RORA: variants seen among roughly 807,000 people sequenced by gnomAD.
RORA encodes nuclear receptor ROR-alpha.
RORA carries 7 observed loss-of-function variants against 69.5 expected under a neutral mutation model. The ratio of observed to expected loss-of-function variants is 0.10; its 90% CI spans 0.06 to 0.19. The LOEUF is 0.19. Ranked by LOEUF, RORA falls within the 10% of genes least tolerant of loss-of-function variation. The pLI, the probability that RORA is intolerant of heterozygous loss-of-function variation, is 1.00. For synonymous variants in RORA, 261 were observed against 240.8 expected (o/e 1.08, Z -0.78); for missense variants, 457 against 663.0 (o/e 0.69, Z 3.41).
intron 1 of RORA, among the ~76,000 whole-genome samples, chr15:60,781,449 C>A (rs1002194932): frequency 2.0e-5 from 3 of 152,178 alleles, no homozygotes. Flanking sequence ...CTCTGCCTGG[C>A]CTGCTTACCA....
At chr15:60,656,400 AG>A (rs2070222833) in intron 2 of RORA, among the ~76,000 whole-genome samples, 1 of 152,246 alleles carries the variant, frequency 6.6e-6, no homozygotes, top group Admixed American at 6.5e-5. Context: ...TTTACAATTT[AG>A]CAGGGGAGAT....
intron 3 of RORA, chr15:60,530,264 C>G (rs1038143168): frequency 2.0e-5 from 3 of 152,170 alleles, no homozygotes; most frequent in South Asian, 2.1e-4. Flanking sequence ...ACAGACCAGA[C>G]AGATTATTTC....
intron 1 of RORA, among the ~76,000 whole-genome samples, chr15:61,030,277 T>G (rs372331550): frequency 3.3e-5 from 5 of 152,104 alleles, no homozygotes; most frequent in East Asian, 1.9e-4. Flanking sequence ...TCAAAGGATT[T>G]GAAGGTTATA....
chr15:61,016,159 A>T (rs1895278059), intron 1 of RORA, among the ~76,000 whole-genome samples: 3 of 151,982 alleles, frequency 2.0e-5, no homozygotes, highest in Admixed American at 6.6e-5. Context: ...GAGTTATTTA[A>T]CCTCTCTACA....
intron 1 of RORA, among the ~76,000 whole-genome samples, chr15:60,814,288 T>C (rs545184285): frequency 1.3e-5 from 2 of 152,264 alleles, no homozygotes; most frequent in South Asian, 2.1e-4. Flanking sequence ...CTTCAAGGCG[T>C]TCTGCATGTG....
chr15:60,518,398 A>G (rs1481774189), intron 3 of RORA, among the ~76,000 whole-genome samples: 3 of 152,242 alleles, frequency 2.0e-5, no homozygotes, highest in Middle Eastern at 3.2e-3. Context: ...AGTCTTACTG[A>G]GTACTTGTAG....
At chr15:60,752,340 C>T (rs1027520755) in intron 1 of RORA, among the ~76,000 whole-genome samples, 7 of 152,100 alleles carry the variant, frequency 4.6e-5, no homozygotes, top group African/African-American at 1.7e-4. Flanking sequence ...TGCATCCTGA[C>T]AAATACAGTA....
chr15:60,654,327 A>G (rs1283313691), intron 2 of RORA, among the ~76,000 whole-genome samples: 5 of 152,204 alleles, frequency 3.3e-5, no homozygotes, highest in Non-Finnish European at 7.3e-5. Flanking sequence ...TTTGAATTTA[A>G]CAAACATTTT....
chr15:60,881,090 C>A (rs987148754), intron 1 of RORA, among the ~76,000 whole-genome samples: 1 of 152,204 alleles, frequency 6.6e-6, no homozygotes, highest in Admixed American at 6.5e-5. Flanking sequence ...CTGTACTCTG[C>A]CTTTTCCACA....
intron 1 of RORA, among the ~76,000 whole-genome samples, chr15:60,951,564 G>A (rs1244129529): frequency 6.6e-6 from 1 of 150,406 alleles, no homozygotes; most frequent in Admixed American, 6.6e-5. Context: ...AAGAAAAAAA[G>A]AGAGAAGAAT....
chr15:61,169,226 C>G (rs2079564413), intron 1 of RORA, among the ~76,000 whole-genome samples: 1 of 151,894 alleles, frequency 6.6e-6, no homozygotes, highest in African/African-American at 2.4e-5. Context: ...CGCCTTAACC[C>G]TTGCCATTCT....
chr15:60,875,581 A>G (rs1009188832), intron 1 of RORA, among the ~76,000 whole-genome samples: 1 of 152,118 alleles, frequency 6.6e-6, no homozygotes, highest in Non-Finnish European at 1.5e-5. Context: ...CAGTTCAATA[A>G]CCCAGGGAAT....
intron 1 of RORA, among the ~76,000 whole-genome samples, chr15:60,755,473 G>T (rs1333682487): frequency 2.0e-5 from 3 of 152,128 alleles, no homozygotes; most frequent in Non-Finnish European, 4.4e-5. Context: ...ATAGCAGCAT[G>T]ATTTATAATC....
At chr15:61,227,984 GCTCA>G (rs2080163429) in intron 1 of RORA, among the ~76,000 whole-genome samples, 1 of 152,064 alleles carries the variant, frequency 6.6e-6, no homozygotes, top group African/African-American at 2.4e-5. Context: ...TTCCTCAACA[GCTCA>G]CTTTAGGAAA....
chr15:60,565,273 T>C (rs28522524), intron 2 of RORA, among the ~76,000 whole-genome samples: 33,551 of 152,144 alleles, frequency 0.22, 5,663 homozygotes, highest in African/African-American at 0.48. Flanking sequence ...AGTTGCTTTT[T>C]CTTGCAACTA....
chr15:61,059,488 T>C (rs892525667), intron 1 of RORA, among the ~76,000 whole-genome samples: 2 of 152,252 alleles, frequency 1.3e-5, no homozygotes, highest in South Asian at 2.1e-4. Flanking sequence ...TACCTATTTA[T>C]TACAAGACCA....
At chr15:60,619,145 T>A (rs893941007) in intron 2 of RORA, among the ~76,000 whole-genome samples, 3 of 152,248 alleles carry the variant, frequency 2.0e-5, no homozygotes, top group Non-Finnish European at 4.4e-5. Flanking sequence ...GGACATCAAC[T>A]GCTTACTGTA....
chr15:60,576,107 T>C (rs1194628105), intron 2 of RORA, among the ~76,000 whole-genome samples: 1 of 152,196 alleles, frequency 6.6e-6, no homozygotes, highest in Non-Finnish European at 1.5e-5. Context: ...GCCCTCCTAA[T>C]TTTGGGTAGA....
At chr15:60,536,991 A>C (rs2066700539) in intron 2 of RORA, among the ~76,000 whole-genome samples, 1 of 152,266 alleles carries the variant, frequency 6.6e-6, no homozygotes, top group Non-Finnish European at 1.5e-5. Flanking sequence ...AAAAACCAAT[A>C]AAGATTAAAA....
Sources: gnomAD v4.1 joint callset for allele counts (sites outside exome capture counted in the v4.1 genomes callset) on GRCh38, gnomAD v4.1.1 for gene constraint, MANE v1.5 for transcripts, NCBI Gene and HGNC (gene_info 2026-07-23, HGNC 2026-07-21) for gene names.